ZNF521: variants seen among roughly 807,000 people sequenced by gnomAD.
The protein encoded by ZNF521 is LYST-interacting protein 3.
In ZNF521, 14 loss-of-function variants were observed where a neutral mutation model predicts 105.5. The observed-to-expected ratio is 0.13, with a 90% CI of 0.09 to 0.21. ZNF521 has a LOEUF of 0.21. ZNF521 is among the 10% of genes least tolerant of loss of function. The pLI is 1.00. For missense variants in ZNF521, 1,233 were observed against 1,629.7 expected (o/e 0.76, Z 4.19); for synonymous variants, 635 against 606.0 (o/e 1.05, Z -0.70).
intron 3 of ZNF521, among the ~76,000 whole-genome samples, chr18:25,319,787 A>G (rs938076188): frequency 6.6e-6 from 1 of 152,206 alleles, no homozygotes; most frequent in African/African-American, 2.4e-5. Flanking sequence ...ATGGTAACAA[A>G]CTAACATCAT....
chr18:25,287,875 G>C (rs1432385885), intron 3 of ZNF521, among the ~76,000 whole-genome samples: 1 of 152,162 alleles, frequency 6.6e-6, no homozygotes, highest in Non-Finnish European at 1.5e-5. Flanking sequence ...TCTTGACCAA[G>C]CATTAGGATT....
intron 5 of ZNF521, among the ~76,000 whole-genome samples, chr18:25,179,976 T>C (rs1037197371): frequency 6.6e-6 from 1 of 152,236 alleles, no homozygotes; most frequent in Non-Finnish European, 1.5e-5. Flanking sequence ...AAATCAGTCA[T>C]GCAAGTTAAG....
intron 5 of ZNF521, among the ~76,000 whole-genome samples, chr18:25,148,464 C>A (rs767809897): frequency 6.6e-6 from 1 of 152,152 alleles, no homozygotes; most frequent in Non-Finnish European, 1.5e-5. Flanking sequence ...AGTTTCTGTT[C>A]TGTTCTTTTC....
At chr18:25,079,647 C>A (rs1204639116) in intron 7 of ZNF521, among the ~76,000 whole-genome samples, 1 of 149,384 alleles carries the variant, frequency 6.7e-6, no homozygotes, top group Non-Finnish European at 1.5e-5. Flanking sequence ...GAGAAGACAG[C>A]TAGGAAGTGA....
chr18:25,152,125 G>A lies in ZNF521; in HGVS notation c.3658+43035C>T, dbSNP rs778747916. 2.6e-5 allele frequency among the ~76,000 whole-genome samples: 4 copies of A among 152,084 alleles called. No homozygotes were observed. In the East Asian group the frequency reaches 5.8e-4, roughly 22 times the overall value. Reference sequence around the variant, plus strand: ...CACATTTTTGAAGCCCTAGCCACCCGGAAGATCAGAATACCTTTGTTTAGA... The same window carrying A: ...CACATTTTTGAAGCCCTAGCCACCCAGAAGATCAGAATACCTTTGTTTAGA... On this transcript the variant is annotated intron_variant, in intron 5 of 7. Coordinates refer to ENST00000361524, the MANE Select transcript of ZNF521 (RefSeq NM_015461.3).
chr18:25,319,814 T>A (rs572110271), intron 3 of ZNF521, among the ~76,000 whole-genome samples: 5 of 152,170 alleles, frequency 3.3e-5, no homozygotes, highest in Non-Finnish European at 7.3e-5. Flanking sequence ...CCTGATCTGA[T>A]GCACTGAGAA....
chr18:25,199,700 A>T (rs2035959886), intron 4 of ZNF521, among the ~76,000 whole-genome samples: 1 of 152,088 alleles, frequency 6.6e-6, no homozygotes, highest in Non-Finnish European at 1.5e-5. Flanking sequence ...AATGAACAGG[A>T]TAATTCATAA....
At chr18:25,265,794 T>A (rs181044333) in intron 3 of ZNF521, among the ~76,000 whole-genome samples, 1 of 152,284 alleles carries the variant, frequency 6.6e-6, no homozygotes, top group Admixed American at 6.5e-5. Flanking sequence ...TAAGCGTCTA[T>A]CAACAGATGA....
intron 3 of ZNF521, among the ~76,000 whole-genome samples, chr18:25,298,333 C>T (rs1428652468): frequency 6.6e-6 from 1 of 152,172 alleles, no homozygotes; most frequent in Non-Finnish European, 1.5e-5. Context: ...ATCAGAATAT[C>T]TCTCAGATAT....
At chr18:25,304,793 A>G (rs1246629035) in intron 3 of ZNF521, among the ~76,000 whole-genome samples, 1 of 152,172 alleles carries the variant, frequency 6.6e-6, no homozygotes. Flanking sequence ...TTTACCATCC[A>G]TATTAGCCAT....
At chr18:25,153,992 A>G (rs561378325) in intron 5 of ZNF521, among the ~76,000 whole-genome samples, 1 of 152,348 alleles carries the variant, frequency 6.6e-6, no homozygotes, top group South Asian at 2.1e-4. Flanking sequence ...AGTCACAGAA[A>G]CAATGACAAG....
At chr18:25,181,282 G>A (rs2035627200) in intron 5 of ZNF521, among the ~76,000 whole-genome samples, 1 of 152,156 alleles carries the variant, frequency 6.6e-6, no homozygotes, top group African/African-American at 2.4e-5. Context: ...GCAAGGCCAG[G>A]TTCACAATTT....
chr18:25,213,978 A>G (rs2036238037), intron 4 of ZNF521, among the ~76,000 whole-genome samples: 2 of 152,094 alleles, frequency 1.3e-5, no homozygotes, highest in South Asian at 4.2e-4. Flanking sequence ...TTTAATTGGG[A>G]AATAACTTTA....
intron 5 of ZNF521, among the ~76,000 whole-genome samples, chr18:25,185,320 G>A (rs2035702136): frequency 6.6e-6 from 1 of 152,080 alleles, no homozygotes; most frequent in African/African-American, 2.4e-5. Context: ...AAGTAAAGAG[G>A]CATCGATAAA....
At position 25,241,742 on chromosome 18, in the gene ZNF521, A is replaced by ACT. The variant is rs1481845625; in HGVS notation, c.221-14046_221-14045insAG. On this transcript the variant is annotated intron_variant, in intron 3 of 7. Coordinates refer to ENST00000361524, the MANE Select transcript of ZNF521 (RefSeq NM_015461.3). ...CTTTAGTATCCTATGGACAGATTCA[A>ACT]AAACAATGCACATTCTAAAGAGCAC... 2.9e-3 allele frequency among the ~76,000 whole-genome samples: 449 copies of ACT among 152,338 alleles called. 1 individual carries two copies. The highest frequency in any genetic ancestry group is 4.0e-3 in the Non-Finnish European group (271 of 68,022).
At chr18:25,074,151 C>CA (rs1389287383) in intron 7 of ZNF521, among the ~76,000 whole-genome samples, 8 of 149,620 alleles carry the variant, frequency 5.3e-5, no homozygotes, top group African/African-American at 1.2e-4. Context: ...TTGCGCAGGG[C>CA]AAAAAAAAAG....
chr18:25,275,285 C>T (rs1293818764), intron 3 of ZNF521, among the ~76,000 whole-genome samples: 10 of 151,964 alleles, frequency 6.6e-5, no homozygotes, highest in East Asian at 1.9e-4. Flanking sequence ...CAACTTATGG[C>T]GCAAAAATTT....
At chr18:25,333,668 T>C (rs1170933152) in intron 2 of ZNF521, among the ~76,000 whole-genome samples, 1 of 152,138 alleles carries the variant, frequency 6.6e-6, no homozygotes, top group Non-Finnish European at 1.5e-5. Flanking sequence ...AACCTATCCC[T>C]GCAATGGGTA....
intron 5 of ZNF521, among the ~76,000 whole-genome samples, chr18:25,168,635 A>G (rs2035391895): frequency 6.6e-6 from 1 of 152,226 alleles, no homozygotes; most frequent in South Asian, 2.1e-4. Flanking sequence ...CAAAAGAGAT[A>G]GTCAGAACGT....
Sources: allele counts gnomAD v4.1 joint callset (sites outside exome capture counted in the v4.1 genomes callset), GRCh38; gene constraint gnomAD v4.1.1; transcripts MANE v1.5; gene names NCBI Gene and HGNC (gene_info 2026-07-23, HGNC 2026-07-21).